The following MMP12 variants were observed in gnomAD, a reference collection of about 807,000 sequenced individuals.
MMP12 encodes matrix metallopeptidase 12.
A neutral mutation model predicts 45.2 loss-of-function variants in MMP12; 51 were observed. The ratio of observed to expected loss-of-function variants is 1.13; its 90% CI spans 0.90 to 1.42. MMP12 has a LOEUF of 1.42. Ranked by LOEUF, MMP12 falls within the 40% of genes most tolerant of loss-of-function variation. MMP12 has a pLI of 0.00. For missense variants in MMP12, 530 were observed against 570.8 expected (o/e 0.93, Z 0.73); for synonymous variants, 210 against 193.3 (o/e 1.09, Z -0.72).
intron 4 of MMP12, 114 bp downstream of exon 4, chr11:102,871,480 C>G (rs1348508264): frequency 1.5e-6 from 2 of 1,291,872 alleles, no homozygotes; most frequent in Non-Finnish European, 2.1e-6. Context: ...ATCATATAAT[C>G]ATTTGTCAGA....
intron 4 of MMP12, among the ~76,000 whole-genome samples, chr11:102,869,255 T>G (rs1165736345): frequency 6.6e-6 from 1 of 152,082 alleles, no homozygotes; most frequent in African/African-American, 2.4e-5. Flanking sequence ...TACTCTCCCA[T>G]ACCCAAGTGC....
At position 102,874,886 on chromosome 11, in the gene MMP12, G is replaced by A. The variant is rs782311302; in HGVS notation, c.52C>T (p.Pro18Ser). Residue 18 changes from proline (P) to serine (S), a missense_variant, in exon 1 of 10, where the codon CCC (proline) becomes TCC (serine). Transcript: ENST00000571244. ...LLQATASGAL[P>S]LNSSTSLEKN... Reference sequence around the variant, plus strand: ...TCCAGGCTTGTAGAGCTGTTCAGGGGAAGAGCTCCAGAAGCAGTGGCCTGC... The same window carrying A: ...TCCAGGCTTGTAGAGCTGTTCAGGGAAAGAGCTCCAGAAGCAGTGGCCTGC... 4.0e-5 allele frequency: 64 copies of A among 1,607,344 alleles called. No homozygotes were observed. In the Admixed American group the frequency reaches 1.1e-3, roughly 27 times the overall value.
Position 102,872,925 on chromosome 11 carries a change from ACAT to A in MMP12, c.287_289del (p.Asp96del). The A allele has an allele frequency of 6.2e-7, 1 of 1,613,816 alleles. No individual in the cohort carries two copies. Among genetic ancestry groups the A allele is most frequent in the Admixed American group, 1.7e-5 (1 of 60,012 alleles). On this transcript the variant is annotated inframe_deletion, in exon 2 of 10. Transcript: ENST00000571244. ...CCCTGGCATTTCCCTGAAATGATGGACATCGGGGACTCCACATCGAGGTGCGTG... is the reference window on the plus strand; with the variant it reads ...CCCTGGCATTTCCCTGAAATGATGGACGGGGACTCCACATCGAGGTGCGTG...
intron 1 of MMP12, among the ~76,000 whole-genome samples, chr11:102,874,045 AG>A (rs1859551222): frequency 6.6e-6 from 1 of 150,398 alleles, no homozygotes; most frequent in Non-Finnish European, 1.5e-5. Flanking sequence ...AAAAAAAAAA[AG>A]AAAAAGAAAA....
chr11:102,862,945 A>C lies in MMP12; in HGVS notation c.*155T>G. The C allele has an allele frequency of 2.2e-6, 1 of 460,158 alleles. No homozygotes were observed. The highest frequency in any genetic ancestry group is 3.8e-6 in the Non-Finnish European group (1 of 265,426). 28.5% of individuals were successfully genotyped at this position (460,158 alleles called of 1,614,324 possible). On this transcript the variant is annotated 3_prime_UTR_variant, in exon 10 of 10. Transcript: ENST00000571244. ...CAATTAGAGTTTTCAAAATTGAAAA[A>C]TATTATGTATTTTATATAATCATTA...
At chr11:102,864,842 T>C (rs917446952) in intron 8 of MMP12, among the ~76,000 whole-genome samples, 4 of 152,236 alleles carry the variant, frequency 2.6e-5, no homozygotes, top group African/African-American at 9.6e-5. Flanking sequence ...CTTGTGTTTA[T>C]CAATTTGGTT....
intron 1 of MMP12, among the ~76,000 whole-genome samples, chr11:102,874,081 TTAA>T (rs1455587761): frequency 6.6e-6 from 1 of 151,164 alleles, no homozygotes; most frequent in Non-Finnish European, 1.5e-5. Flanking sequence ...ACATGAATTA[TTAA>T]TGTTATTAAT....
At position 102,871,664 on chromosome 11, in the gene MMP12, A is replaced by C. The variant is rs1555009358; in HGVS notation, c.555T>G (p.Phe185Leu). 1 of 1,596,126 alleles carries C rather than the reference A, an allele frequency of 6.3e-7. No individual in the cohort carries two copies. The highest frequency in any genetic ancestry group is 1.3e-5 in the African/African-American group (1 of 74,712). Residue 185 changes from phenylalanine to leucine, a missense_variant, in exon 4 of 10, where the codon TTT becomes TTG. Physicochemically the swap from Phe to Leu is conservative, Grantham distance 22. Transcript: ENST00000571244. ...CCCCTCCAATGCCAGATCCAGGTCC[A>C]AAAGCATGGGCTAGGATTCCACCTT... ...DGKGGILAHAFGPGSGIGGDA... is the reference protein window; with the variant it reads ...DGKGGILAHALGPGSGIGGDA...
intron 7 of MMP12, 97 bp from the exon 8 acceptor site, chr11:102,866,032 T>G: frequency 2.0e-6 from 2 of 986,892 alleles, no homozygotes; most frequent in Non-Finnish European, 1.5e-6. Context: ...TTTCCAACAG[T>G]TATAATATTT....
At position 102,871,970 on chromosome 11, in the gene MMP12, G is replaced by T; in HGVS notation, c.351-18C>A. 6.3e-7 allele frequency: 1 copy of T among 1,590,296 alleles called. No individual in the cohort carries two copies. Among genetic ancestry groups the T allele is most frequent in the Non-Finnish European group, 8.5e-7 (1 of 1,169,890 alleles). On this transcript the variant is annotated intron_variant, in intron 2 of 9. Coordinates refer to ENST00000571244, the MANE Select transcript of MMP12 (RefSeq NM_002426.6). ...TATTGATTCTTTATCAGCAAAAAGA[G>T]AGAGAAAAATGTATGGAAGGCAGTG...
rs782677700 is a variant in MMP12, at chr11:102,864,107, G to A, written c.1312+39C>T. On this transcript the variant is annotated intron_variant, in intron 9 of 9. Coordinates refer to ENST00000571244, the MANE Select transcript of MMP12 (RefSeq NM_002426.6). ...CTTAGAGGATTTATAGCTTTGAAATGTTATTTCCAGTATCTTCATGGTTTC... is the reference window on the plus strand; with the variant it reads ...CTTAGAGGATTTATAGCTTTGAAATATTATTTCCAGTATCTTCATGGTTTC... The A allele has an allele frequency of 5.7e-6, 8 of 1,391,556 alleles. No homozygotes were observed. The East Asian group carries it at 1.1e-4, about 20-fold the overall frequency. 86.2% of individuals were successfully genotyped at this position (1,391,556 alleles called of 1,614,324 possible).
chr11:102,874,036 A>G (rs1366247663), intron 1 of MMP12, among the ~76,000 whole-genome samples: 2 of 151,530 alleles, frequency 1.3e-5, no homozygotes, highest in African/African-American at 2.4e-5. Context: ...CTCAAAAAAA[A>G]AAAAAAAAAG....
chr11:102,872,586 C>G (rs1009875632), intron 2 of MMP12, among the ~76,000 whole-genome samples: 2 of 152,140 alleles, frequency 1.3e-5, no homozygotes, highest in African/African-American at 2.4e-5. Context: ...CGTGATCCAC[C>G]CACCTTGGCC....
rs782535943 is a variant in MMP12 at position 102,866,400 on chromosome 11, T to G, written c.960A>C (p.Leu320Phe). The change falls in exon 7 of 10, where the codon TTA becomes TTC. Residue 320 changes from leucine (L) to phenylalanine (F), a missense_variant. Physicochemically the swap from Leu to Phe is conservative, Grantham distance 22. Transcript: ENST00000571244. ...GCAAGGTTGGCCATAAGGAAGAAAT[T>G]AAATTAACACTGGTCTTTGGTCTCT... ...VSERPKTSVNLISSLWPTLPS... is the reference protein window; with the variant it reads ...VSERPKTSVNFISSLWPTLPS... The G allele has an allele frequency of 1.2e-6, 2 of 1,609,332 alleles. No individual in the cohort carries two copies. The highest frequency in any genetic ancestry group is 8.5e-7 in the Non-Finnish European group (1 of 1,177,868).
chr11:102,867,209 C>G (rs901981115), intron 6 of MMP12, 61 bp downstream of exon 6: 1 of 1,418,190 alleles, frequency 7.1e-7, no homozygotes, highest in African/African-American at 1.6e-5. Context: ...CCACTGTTTT[C>G]TGACAAAAAA....
chr11:102,867,780 G>A lies in MMP12; in HGVS notation c.787+128C>T, dbSNP rs1050668574. ...AATGAAGATAATACCTGTGTCACCT[G>A]CCACACAGGGTTCTTATGCGGCTTA... On this transcript the variant is annotated intron_variant, in intron 5 of 9. Transcript: ENST00000571244. 7.4e-5 allele frequency: 71 copies of A among 953,852 alleles called. No homozygotes were observed. The African/African-American group carries it at 1.1e-3, about 14-fold the overall frequency. The allele number at this position is 953,852 out of a possible 1,614,324, so 59.1% of individuals were successfully genotyped here. A position where few individuals can be genotyped will look rare whatever the true frequency, so the allele number is the denominator to read the frequency against.
At chr11:102,872,344 T>G (rs1859514156) in intron 2 of MMP12, among the ~76,000 whole-genome samples, 1 of 152,268 alleles carries the variant, frequency 6.6e-6, no homozygotes, top group East Asian at 1.9e-4. Flanking sequence ...TGCAGATTTT[T>G]TTTTCTTTTT....
intron 9 of MMP12, among the ~76,000 whole-genome samples, chr11:102,863,584 A>G (rs549626291): frequency 1.0e-3 from 152 of 152,276 alleles, no homozygotes; most frequent in African/African-American, 3.5e-3. Context: ...TAGGGCACAC[A>G]GGGGCTTTGA....
rs782029866 is a variant in MMP12, at chr11:102,867,323, C to T, written c.858G>A (p.Leu286=). The change falls in exon 6 of 10, where the codon TTG becomes TTA. Residue 286 remains leucine (L), a synonymous_variant. Coordinates refer to ENST00000571244, the MANE Select transcript of MMP12 (RefSeq NM_002426.6). ...CCACGGTAGTGACAGCATCAAAACT[C>T]AAATTGGGGTCACAGAGAGCTGGTT... ...NSEPALCDPN[L]SFDAVTTVGN... is the part of the protein sequence containing the mutation. 5.0e-6 allele frequency: 8 copies of T among 1,610,450 alleles called. No homozygotes were observed. The East Asian group carries it at 1.6e-4, about 31-fold the overall frequency.
Sources: allele counts gnomAD v4.1 joint callset (sites outside exome capture counted in the v4.1 genomes callset), GRCh38; gene constraint gnomAD v4.1.1; transcripts MANE v1.5; gene names NCBI Gene and HGNC (gene_info 2026-07-23, HGNC 2026-07-21).